The following WWOX variants were observed in gnomAD, a reference collection of about 807,000 sequenced individuals.
The protein encoded by WWOX is WW domain containing oxidoreductase.
Under a neutral mutation model 46.2 loss-of-function variants are expected in WWOX, and 69 were observed. The ratio of observed to expected loss-of-function variants is 1.49; its 90% confidence interval spans 1.23 to 1.82. The LOEUF is 1.82. Ranked by LOEUF, WWOX falls within the 40% of genes most tolerant of loss-of-function variation. The pLI, the probability that WWOX is intolerant of heterozygous loss-of-function variation, is 0.00. For missense variants in WWOX, 919 were observed against 542.6 expected (o/e 1.69, Z -6.89); for synonymous variants, 359 against 202.6 (o/e 1.77, Z -6.56).
At chr16:78,765,302 G>C (rs1353159358) in intron 8 of WWOX, among the ~76,000 whole-genome samples, 2 of 152,252 alleles carry the variant, frequency 1.3e-5, no homozygotes, top group Non-Finnish European at 2.9e-5. Context: ...ACAGTGATGA[G>C]ACCTTCTGGT....
At chr16:78,310,395 C>T (rs935430934) in intron 5 of WWOX, among the ~76,000 whole-genome samples, 5 of 152,218 alleles carry the variant, frequency 3.3e-5, no homozygotes, top group Non-Finnish European at 5.9e-5. Flanking sequence ...ATTAATATTT[C>T]ACAGAATAAC....
chr16:79,095,984 G>C (rs2049061688), intron 8 of WWOX, among the ~76,000 whole-genome samples: 1 of 146,974 alleles, frequency 6.8e-6, no homozygotes, highest in Non-Finnish European at 1.5e-5. Context: ...CTAGTAGCTG[G>C]GACTACAGGC....
intron 8 of WWOX, among the ~76,000 whole-genome samples, chr16:79,144,583 A>G (rs545392252): frequency 2.4e-4 from 37 of 152,314 alleles, no homozygotes; most frequent in African/African-American, 8.4e-4. Flanking sequence ...TTTGGAGTGC[A>G]TTAAAAAAAA....
intron 8 of WWOX, among the ~76,000 whole-genome samples, chr16:78,728,823 C>G (rs993574160): frequency 2.0e-5 from 3 of 152,158 alleles, no homozygotes; most frequent in African/African-American, 7.2e-5. Context: ...TATGGGACCT[C>G]AGGTATGTCA....
chr16:78,372,603 G>C (rs757138113), intron 5 of WWOX, among the ~76,000 whole-genome samples: 43 of 152,192 alleles, frequency 2.8e-4, no homozygotes, highest in Admixed American at 1.0e-3. Flanking sequence ...ACTGGATCTA[G>C]AGAAGGGTTA....
chr16:78,118,679 T>C (rs1350476711), intron 4 of WWOX, among the ~76,000 whole-genome samples: 2 of 152,190 alleles, frequency 1.3e-5, no homozygotes, highest in Non-Finnish European at 2.9e-5. Flanking sequence ...ATATTTACTC[T>C]TTGGCCTTTC....
intron 8 of WWOX, among the ~76,000 whole-genome samples, chr16:78,841,582 T>C (rs762308825): frequency 6.6e-5 from 10 of 152,244 alleles, no homozygotes; most frequent in Non-Finnish European, 1.5e-4. Flanking sequence ...ATATATGTAA[T>C]GCTGCTTTCA....
intron 8 of WWOX, among the ~76,000 whole-genome samples, chr16:78,610,263 A>G (rs1007635480): frequency 2.6e-5 from 4 of 152,220 alleles, no homozygotes; most frequent in African/African-American, 9.6e-5. Flanking sequence ...TCCCAGAGAT[A>G]TGAAGTACAC....
At chr16:79,118,153 C>T (rs955010767) in intron 8 of WWOX, among the ~76,000 whole-genome samples, 1 of 152,186 alleles carries the variant, frequency 6.6e-6, no homozygotes, top group Non-Finnish European at 1.5e-5. Context: ...ACATGCAACT[C>T]TGACTTTCTC....
At chr16:78,737,645 C>G (rs80094168) in intron 8 of WWOX, among the ~76,000 whole-genome samples, 1,882 of 152,194 alleles carry the variant, frequency 0.012, 113 homozygotes, top group Admixed American at 0.1. Flanking sequence ...CCTTTGCATC[C>G]TCATAGTTTA....
chr16:78,904,919 C>A (rs933362065), intron 8 of WWOX, among the ~76,000 whole-genome samples: 1 of 152,084 alleles, frequency 6.6e-6, no homozygotes. Flanking sequence ...ATTCCTTTTC[C>A]CAGTTGGTGC....
Position 78,144,566 on chromosome 16 carries a change from G to T in WWOX, c.410-19617G>T, listed in dbSNP as rs1379043023. Among the ~76,000 whole-genome samples, 22 of 134,284 alleles carry T rather than the reference G, an allele frequency of 1.6e-4. 1 individual carries two copies. The highest frequency in any genetic ancestry group is 6.3e-5 in the Non-Finnish European group (4 of 63,914). 88.1% of individuals were successfully genotyped at this position (134,284 alleles called of 152,430 possible). A position where few individuals can be genotyped will look rare whatever the true frequency, so the allele number is the denominator to read the frequency against. ...AGATGGAGTTTTACTCTGTCGCCCA[G>T]GCTGGAGTACAGTGGCGCGATCTGA... On this transcript the variant is annotated intron_variant, in intron 4 of 8. Coordinates refer to ENST00000566780, the MANE Select transcript of WWOX (RefSeq NM_016373.4).
chr16:78,960,917 C>T (rs766222056), intron 8 of WWOX, among the ~76,000 whole-genome samples: 17 of 152,172 alleles, frequency 1.1e-4, no homozygotes, highest in South Asian at 6.2e-4. Flanking sequence ...TCAGAACCTA[C>T]GGGGCTTGCT....
intron 5 of WWOX, among the ~76,000 whole-genome samples, chr16:78,383,324 G>A (rs1459666996): frequency 6.6e-6 from 1 of 152,110 alleles, no homozygotes; most frequent in Non-Finnish European, 1.5e-5. Context: ...GGGGGAAGCT[G>A]GATGATGGGT....
intron 6 of WWOX, among the ~76,000 whole-genome samples, chr16:78,407,931 T>C (rs1227883619): frequency 6.6e-6 from 1 of 152,104 alleles, no homozygotes; most frequent in Non-Finnish European, 1.5e-5. Context: ...GTAGAAAGTG[T>C]TAAGTAATGT....
At chr16:78,779,366 T>C (rs1383377379) in intron 8 of WWOX, among the ~76,000 whole-genome samples, 1 of 152,164 alleles carries the variant, frequency 6.6e-6, no homozygotes, top group Non-Finnish European at 1.5e-5. Flanking sequence ...AGACTGGTCT[T>C]GAACTCTTGA....
chr16:78,774,738 A>ACACAT (rs752420046), intron 8 of WWOX, among the ~76,000 whole-genome samples: 2 of 152,194 alleles, frequency 1.3e-5, no homozygotes, highest in Non-Finnish European at 2.9e-5. Flanking sequence ...ACACATACAC[A>ACACAT]CACATGGGCA....
At chr16:78,841,609 G>C (rs2052151709) in intron 8 of WWOX, among the ~76,000 whole-genome samples, 1 of 152,158 alleles carries the variant, frequency 6.6e-6, no homozygotes, top group South Asian at 2.1e-4. Context: ...TAAGTATTAT[G>C]AGAATACATT....
chr16:78,488,725 T>C (rs964618794), intron 8 of WWOX, among the ~76,000 whole-genome samples: 1 of 152,134 alleles, frequency 6.6e-6, no homozygotes, highest in African/African-American at 2.4e-5. Flanking sequence ...TTATGGGCCA[T>C]TAGGAACTGT....
Sources: allele counts gnomAD v4.1 joint callset (sites outside exome capture counted in the v4.1 genomes callset), GRCh38; gene constraint gnomAD v4.1.1; transcripts MANE v1.5; gene names NCBI Gene and HGNC (gene_info 2026-07-23, HGNC 2026-07-21).